LRRIQ3: variants seen among roughly 807,000 people sequenced by gnomAD.
LRRIQ3 encodes the protein leucine rich repeats and IQ motif containing 3, also known as leucine-rich repeat and IQ domain-containing protein 3.
LRRIQ3 carries 75 observed loss-of-function variants against 59.3 expected under a neutral mutation model. The ratio of observed to expected loss-of-function variants is 1.26; its 90% CI spans 1.05 to 1.53. LRRIQ3 has a LOEUF of 1.53. Ranked by LOEUF, LRRIQ3 falls within the 40% of genes most tolerant of loss-of-function variation. LRRIQ3 has a pLI of 0.00. For missense variants in LRRIQ3, 831 were observed against 710.0 expected (o/e 1.17, Z -1.94); for synonymous variants, 250 against 231.3 (o/e 1.08, Z -0.73).
chr1:74,089,510 A>T (rs1646371508), intron 5 of LRRIQ3, among the ~76,000 whole-genome samples: 1 of 152,124 alleles, frequency 6.6e-6, no homozygotes, highest in African/African-American at 2.4e-5. Flanking sequence ...CATGTTTGAC[A>T]TGAGATTTGG....
chr1:74,090,793 T>C (rs908855584), intron 5 of LRRIQ3, among the ~76,000 whole-genome samples: 4 of 151,426 alleles, frequency 2.6e-5, no homozygotes, highest in African/African-American at 7.3e-5. Context: ...ACTAGAGAGG[T>C]TGAAGTGGAA....
intron 4 of LRRIQ3, among the ~76,000 whole-genome samples, chr1:74,120,115 T>C (rs933132823): frequency 6.6e-6 from 1 of 151,816 alleles, no homozygotes; most frequent in Non-Finnish European, 1.5e-5. Context: ...TATTTATTTT[T>C]TGTATGTTGT....
chr1:74,095,628 G>T (rs1646440336), intron 5 of LRRIQ3, among the ~76,000 whole-genome samples: 1 of 152,140 alleles, frequency 6.6e-6, no homozygotes, highest in Middle Eastern at 3.4e-3. Context: ...GAGTAAGAAT[G>T]CTTTTTTATG....
chr1:74,128,777 T>C (rs1170574786), intron 4 of LRRIQ3, among the ~76,000 whole-genome samples: 1 of 152,066 alleles, frequency 6.6e-6, no homozygotes, highest in African/African-American at 2.4e-5. Flanking sequence ...AATTTGGGTG[T>C]TGTGATCTAA....
chr1:74,130,468 C>T (rs1401107726), intron 4 of LRRIQ3, among the ~76,000 whole-genome samples: 1 of 152,146 alleles, frequency 6.6e-6, no homozygotes, highest in African/African-American at 2.4e-5. Flanking sequence ...CGCCATGTGG[C>T]CACTGCCAGA....
chr1:74,099,930 A>G (rs968897056), intron 5 of LRRIQ3, among the ~76,000 whole-genome samples: 1 of 152,182 alleles, frequency 6.6e-6, no homozygotes, highest in African/African-American at 2.4e-5. Context: ...GCTATCTATG[A>G]CAAACCCACA....
intron 4 of LRRIQ3, among the ~76,000 whole-genome samples, chr1:74,119,504 C>A (rs1174243032): frequency 6.6e-6 from 1 of 152,078 alleles, no homozygotes; most frequent in African/African-American, 2.4e-5. Flanking sequence ...ATATATAGGT[C>A]ACTTACAGTC....
chr1:74,164,658 A>C (rs945330876), intron 3 of LRRIQ3, among the ~76,000 whole-genome samples: 2 of 151,534 alleles, frequency 1.3e-5, no homozygotes, highest in Middle Eastern at 3.2e-3. Context: ...AAATTTTTGA[A>C]AAAAAATTTG....
At chr1:74,091,720 T>G (rs1434056220) in intron 5 of LRRIQ3, among the ~76,000 whole-genome samples, 1 of 152,104 alleles carries the variant, frequency 6.6e-6, no homozygotes, top group Non-Finnish European at 1.5e-5. Flanking sequence ...TTTAACTGTC[T>G]CAGGCAAATA....
At chr1:74,129,923 A>G (rs1468944483) in intron 4 of LRRIQ3, among the ~76,000 whole-genome samples, 1 of 151,964 alleles carries the variant, frequency 6.6e-6, no homozygotes, top group Non-Finnish European at 1.5e-5. Context: ...ACTCTGCCTC[A>G]TGCCCACTTC....
At chr1:74,101,676 TA>T (rs1646535118) in intron 5 of LRRIQ3, among the ~76,000 whole-genome samples, 1 of 152,080 alleles carries the variant, frequency 6.6e-6, no homozygotes, top group Non-Finnish European at 1.5e-5. Context: ...CCAACAATGA[TA>T]GACTAGATTA....
chr1:74,046,959 G>A (rs527450632), intron 6 of LRRIQ3, among the ~76,000 whole-genome samples: 1 of 152,174 alleles, frequency 6.6e-6, no homozygotes, highest in South Asian at 2.1e-4. Flanking sequence ...AACAGATGCT[G>A]GAGAGGATGT....
intron 5 of LRRIQ3, among the ~76,000 whole-genome samples, chr1:74,108,472 G>C (rs1312523549): frequency 1.3e-5 from 2 of 151,724 alleles, no homozygotes; most frequent in Admixed American, 6.6e-5. Context: ...GATTTAAGGA[G>C]TTGAGAACAT....
chr1:74,135,915 T>TA (rs1647114863), intron 4 of LRRIQ3, among the ~76,000 whole-genome samples: 1 of 151,560 alleles, frequency 6.6e-6, no homozygotes, highest in South Asian at 2.1e-4. Flanking sequence ...ATCAGTGAAA[T>TA]AAAAAACTAG....
At chr1:74,088,345 A>G (rs1646353997) in intron 5 of LRRIQ3, among the ~76,000 whole-genome samples, 1 of 152,144 alleles carries the variant, frequency 6.6e-6, no homozygotes, top group South Asian at 2.1e-4. Context: ...TTAGGATAAT[A>G]GATTTAAATA....
intron 5 of LRRIQ3, among the ~76,000 whole-genome samples, chr1:74,081,213 A>C (rs377285657): frequency 6.6e-6 from 1 of 151,636 alleles, no homozygotes; most frequent in Non-Finnish European, 1.5e-5. Context: ...CAGGAAACAT[A>C]TAGTATAAAT....
In LRRIQ3 at chr1:74,129,394, G is replaced by C. The variant is rs575373573; in HGVS notation, c.708-19841C>G. ...GTTATGTGGTGAGTGAGTATTACCT[G>C]GTTACCTCTGATGTTTATTCAAGGA... On this transcript the variant is annotated intron_variant, in intron 4 of 7. Transcript: ENST00000354431. Among the ~76,000 whole-genome samples the C allele has an allele frequency of 2.2e-4, 33 of 152,114 alleles. 1 individual carries two copies. The South Asian group carries it at 3.7e-3, about 17-fold the overall frequency.
At chr1:74,173,850 C>G (rs904850997) in intron 3 of LRRIQ3, among the ~76,000 whole-genome samples, 1 of 152,126 alleles carries the variant, frequency 6.6e-6, no homozygotes, top group Middle Eastern at 3.4e-3. Flanking sequence ...GTCTTTATCT[C>G]TCTTTTATTT....
At chr1:74,034,484 A>G (rs1653809365) in intron 7 of LRRIQ3, among the ~76,000 whole-genome samples, 2 of 151,918 alleles carry the variant, frequency 1.3e-5, no homozygotes, top group Admixed American at 1.3e-4. Flanking sequence ...TTATGGCCAG[A>G]TATTCATTTT....
Sources: gnomAD v4.1 joint callset for allele counts (sites outside exome capture counted in the v4.1 genomes callset) on GRCh38, gnomAD v4.1.1 for gene constraint, MANE v1.5 for transcripts, NCBI Gene and HGNC (gene_info 2026-07-23, HGNC 2026-07-21) for gene names.